Variants in RSRC1 observed in about 807,000 individuals in gnomAD.
RSRC1 encodes the protein arginine and serine rich coiled-coil 1.
In RSRC1, 39 loss-of-function variants were observed where a neutral mutation model predicts 49.1. The ratio of observed to expected loss-of-function variants is 0.79; its 90% confidence interval spans 0.61 to 1.04. RSRC1 has a LOEUF of 1.04. RSRC1 is among the 50% of genes least tolerant of loss of function. The pLI is 0.00. For synonymous variants in RSRC1, 143 were observed against 130.8 expected (o/e 1.09, Z -0.63); for missense variants, 388 against 402.4 (o/e 0.96, Z 0.31).
chr3:158,152,698 T>C (rs1717622723), intron 3 of RSRC1, among the ~76,000 whole-genome samples: 1 of 152,220 alleles, frequency 6.6e-6, no homozygotes, highest in African/African-American at 2.4e-5. Context: ...TGAGTACATA[T>C]TATCTTCTAA....
rs552625725 is a variant in RSRC1, at chr3:158,506,261, T to TAAG, written c.653-30829_653-30828insGAA. Among the ~76,000 whole-genome samples the TAAG allele has an allele frequency of 5.3e-5, 8 of 152,072 alleles. No individual in the cohort carries two copies. The East Asian group carries it at 9.7e-4, about 18-fold the overall frequency. On this transcript the variant is annotated intron_variant, in intron 7 of 9. Coordinates refer to ENST00000611884, the MANE Select transcript of RSRC1 (RefSeq NM_001271838.2). ...CTCAAATCTTTAACTCAATAGCACA[T>TAAG]AATAATAATAATAATTCCATTAAAA...
At position 158,217,765 on chromosome 3, in the gene RSRC1, T is replaced by TGTGGGG. The variant is rs112702432; in HGVS notation, c.494+14521_494+14522insTGGGGG. On this transcript the variant is annotated intron_variant, in intron 4 of 9. Coordinates refer to ENST00000611884, the MANE Select transcript of RSRC1 (RefSeq NM_001271838.2). ...AATTATGGTCCAGTGTGTGTGTGTGTGGGGGGGGAATTGTAAATATGAAAT... is the reference window on the plus strand; with the variant it reads ...AATTATGGTCCAGTGTGTGTGTGTGTGTGGGGGGGGGGGGAATTGTAAATATGAAAT... 1.1e-4 allele frequency among the ~76,000 whole-genome samples: 16 copies of TGTGGGG among 141,446 alleles called. No homozygotes were observed. The South Asian group carries it at 1.8e-3, about 16-fold the overall frequency. 92.8% of individuals were successfully genotyped at this position (141,446 alleles called of 152,430 possible). A position where few individuals can be genotyped will look rare whatever the true frequency, so the allele number is the denominator to read the frequency against.
At chr3:158,299,504 TTG>T (rs1727417273) in intron 5 of RSRC1, among the ~76,000 whole-genome samples, 1 of 152,038 alleles carries the variant, frequency 6.6e-6, no homozygotes, top group South Asian at 2.1e-4. Context: ...AGCTATTTTT[TTG>T]TGTGTTTTTA....
At position 158,449,627 on chromosome 3, in the gene RSRC1, A is replaced by T. The variant is rs1012786964; in HGVS notation, c.584-11308A>T. ...TGGGCCAGAGGATCTTTATATATAT[A>T]TATTTTTATTATTATACTTTAAGTT... On this transcript the variant is annotated intron_variant, in intron 6 of 9. Transcript: ENST00000611884. 7.8e-4 allele frequency among the ~76,000 whole-genome samples: 113 copies of T among 145,404 alleles called. 1 individual carries two copies. The highest frequency in any genetic ancestry group is 1.6e-3 in the African/African-American group (62 of 38,716).
intron 6 of RSRC1, among the ~76,000 whole-genome samples, chr3:158,403,347 G>A (rs910690046): frequency 4.0e-5 from 6 of 151,790 alleles, no homozygotes; most frequent in African/African-American, 1.4e-4. Flanking sequence ...TGCATTCAGT[G>A]TCTTACTTTC....
intron 7 of RSRC1, among the ~76,000 whole-genome samples, chr3:158,486,379 C>A (rs1738821411): frequency 6.6e-6 from 1 of 152,082 alleles, no homozygotes; most frequent in Admixed American, 6.6e-5. Context: ...CTCTTCCAGG[C>A]ACCATGTTAA....
chr3:158,148,360 T>C (rs923785862), intron 3 of RSRC1, among the ~76,000 whole-genome samples: 2 of 98,812 alleles, frequency 2.0e-5, no homozygotes, highest in Non-Finnish European at 4.0e-5. Flanking sequence ...GGTGTGTGTG[T>C]GTGTGCGTGT....
At chr3:158,360,815 CAG>C (rs889828589) in intron 6 of RSRC1, among the ~76,000 whole-genome samples, 3 of 152,200 alleles carry the variant, frequency 2.0e-5, no homozygotes, top group African/African-American at 4.8e-5. Context: ...GCTAAGAGTG[CAG>C]AGAGACCTGG....
chr3:158,365,139 T>C (rs1423142081), intron 6 of RSRC1, among the ~76,000 whole-genome samples: 1 of 152,132 alleles, frequency 6.6e-6, no homozygotes, highest in Non-Finnish European at 1.5e-5. Context: ...AGAATAGTGC[T>C]TTTATTTATT....
intron 6 of RSRC1, among the ~76,000 whole-genome samples, chr3:158,382,612 G>A (rs1732760483): frequency 6.6e-6 from 1 of 152,100 alleles, no homozygotes; most frequent in Admixed American, 6.6e-5. Context: ...AATACTGTTA[G>A]GTGTGGCTGG....
chr3:158,197,862 T>G (rs1479843179), intron 3 of RSRC1, among the ~76,000 whole-genome samples: 4 of 152,168 alleles, frequency 2.6e-5, no homozygotes, highest in Non-Finnish European at 5.9e-5. Flanking sequence ...AGAGACAGTT[T>G]GTTATAATTT....
intron 7 of RSRC1, among the ~76,000 whole-genome samples, chr3:158,487,959 A>AAAAAAAAAAAAAAT (rs1738893844): frequency 6.8e-6 from 1 of 147,256 alleles, no homozygotes; most frequent in African/African-American, 2.5e-5. Context: ...GAAAAAAAAA[A>AAAAAAAAAAAAAAT]AAAAAAAAAA....
intron 5 of RSRC1, among the ~76,000 whole-genome samples, chr3:158,324,741 T>C (rs1728978152): frequency 6.6e-6 from 1 of 152,202 alleles, no homozygotes; most frequent in African/African-American, 2.4e-5. Flanking sequence ...CCTTTGGGTA[T>C]ATACCCAGTA....
intron 4 of RSRC1, among the ~76,000 whole-genome samples, chr3:158,278,303 G>T (rs533639281): frequency 1.2e-4 from 18 of 152,238 alleles, no homozygotes; most frequent in South Asian, 1.0e-3. Flanking sequence ...TTAAATTTTC[G>T]TAGACTTACA....
intron 7 of RSRC1, among the ~76,000 whole-genome samples, chr3:158,514,945 C>A (rs1740420756): frequency 1.3e-5 from 2 of 151,944 alleles, no homozygotes; most frequent in African/African-American, 2.4e-5. Flanking sequence ...GCAACCCCTA[C>A]CTTTTTTTGT....
At chr3:158,349,012 T>G (rs1730717744) in intron 5 of RSRC1, among the ~76,000 whole-genome samples, 1 of 152,214 alleles carries the variant, frequency 6.6e-6, no homozygotes, top group East Asian at 1.9e-4. Flanking sequence ...CACTTAGGTT[T>G]GTTTCATGAC....
intron 6 of RSRC1, among the ~76,000 whole-genome samples, chr3:158,408,968 G>A (rs1337896901): frequency 6.6e-6 from 1 of 152,000 alleles, no homozygotes. Context: ...AGGAGGCAGA[G>A]GTTGCAGTGA....
At chr3:158,275,772 A>G (rs1454754787) in intron 4 of RSRC1, 2 of 474,862 alleles carry the variant, frequency 4.2e-6, no homozygotes, top group Admixed American at 7.4e-5. Context: ...TGCCCTAAAT[A>G]GTTTATTAGG....
chr3:158,438,023 AACAG>A (rs1736147489), intron 6 of RSRC1, among the ~76,000 whole-genome samples: 1 of 152,164 alleles, frequency 6.6e-6, no homozygotes, highest in African/African-American at 2.4e-5. Flanking sequence ...ATACACCAGT[AACAG>A]ACAAACAGAG....
Sources: gnomAD v4.1 joint callset for allele counts (sites outside exome capture counted in the v4.1 genomes callset) on GRCh38, gnomAD v4.1.1 for gene constraint, MANE v1.5 for transcripts, NCBI Gene and HGNC (gene_info 2026-07-23, HGNC 2026-07-21) for gene names.